The following TMPRSS15 variants were observed in gnomAD, a reference collection of about 807,000 sequenced individuals.
TMPRSS15 encodes the protein enteropeptidase.
TMPRSS15 carries 128 observed loss-of-function variants against 125.3 expected under a neutral mutation model. The ratio of observed to expected loss-of-function variants is 1.02; its 90% CI spans 0.89 to 1.18. The LOEUF is 1.18. Among genes scored for constraint, TMPRSS15 ranks in the 50% most tolerant of loss-of-function variants. TMPRSS15 has a pLI of 0.00. For missense variants in TMPRSS15, 1,283 were observed against 1,212.7 expected (o/e 1.06, Z -0.86); for synonymous variants, 446 against 423.2 (o/e 1.05, Z -0.66).
At chr21:18,443,661 C>T (rs2076248101) in intron 1 of TMPRSS15, among the ~76,000 whole-genome samples, 1 of 152,236 alleles carries the variant, frequency 6.6e-6, no homozygotes, top group South Asian at 2.1e-4. Flanking sequence ...ATTGCTCCAC[C>T]TCACCTTGCT....
At chr21:18,311,967 A>G (rs2075105272) in intron 18 of TMPRSS15, among the ~76,000 whole-genome samples, 1 of 152,160 alleles carries the variant, frequency 6.6e-6, no homozygotes, top group Non-Finnish European at 1.5e-5. Context: ...CTGCTTTTTA[A>G]AGACAAGGAT....
At chr21:18,277,383 T>A (rs1398445373) in intron 23 of TMPRSS15, among the ~76,000 whole-genome samples, 1 of 152,206 alleles carries the variant, frequency 6.6e-6, no homozygotes, top group East Asian at 1.9e-4. Context: ...TTAATTTGTT[T>A]TTGAAGAGCC....
At chr21:18,315,324 C>T in intron 16 of TMPRSS15, 68 bp from the exon 17 acceptor site, 1 of 1,303,240 alleles carries the variant, frequency 7.7e-7, no homozygotes, top group Non-Finnish European at 1.1e-6. Flanking sequence ...GAGTACAAAT[C>T]CCATTTGCTC....
At chr21:18,389,287 T>C (rs559326134) in intron 3 of TMPRSS15, among the ~76,000 whole-genome samples, 1 of 151,578 alleles carries the variant, frequency 6.6e-6, no homozygotes, top group East Asian at 1.9e-4. Context: ...GGGAGGAAGA[T>C]TAAACCTTTT....
intron 1 of TMPRSS15, among the ~76,000 whole-genome samples, chr21:18,439,927 C>A (rs755956898): frequency 5.9e-5 from 9 of 152,196 alleles, no homozygotes; most frequent in Middle Eastern, 3.4e-3. Context: ...TTCAAAGGCA[C>A]AAAATGTTTT....
intron 1 of TMPRSS15, among the ~76,000 whole-genome samples, chr21:18,469,039 C>T (rs1164912487): frequency 1.3e-5 from 2 of 152,086 alleles, no homozygotes; most frequent in Non-Finnish European, 1.5e-5. Context: ...ACATAAATAC[C>T]GGAGGAAAAA....
At position 18,426,754 on chromosome 21, in the gene TMPRSS15, T is replaced by C. The variant is rs148493592; in HGVS notation, c.11-28425A>G. 3.6e-3 allele frequency among the ~76,000 whole-genome samples: 554 copies of C among 152,326 alleles called. 2 individuals carry two copies. The highest frequency in any genetic ancestry group is 0.013 in the African/African-American group (522 of 41,580). On this transcript the variant is annotated intron_variant, in intron 1 of 7. Coordinates refer to the TMPRSS15 transcript ENST00000422787. Reference sequence around the variant, plus strand: ...TTTATTTCAAAATTATGCATTTTCATTGATAACATTTGAAAAATAAGAATG... The same window carrying C: ...TTTATTTCAAAATTATGCATTTTCACTGATAACATTTGAAAAATAAGAATG...
At chr21:18,355,341 G>GTGT in intron 8 of TMPRSS15, among the ~76,000 whole-genome samples, 1 of 151,744 alleles carries the variant, frequency 6.6e-6, no homozygotes, top group Non-Finnish European at 1.5e-5. Flanking sequence ...ATTTCATAGT[G>GTGT]TGTTGGATTC....
intron 3 of TMPRSS15, among the ~76,000 whole-genome samples, chr21:18,394,533 G>GTCTC (rs199599399): frequency 2.6e-4 from 39 of 147,290 alleles, no homozygotes; most frequent in African/African-American, 3.7e-4. Context: ...CTCTCTCTCT[G>GTCTC]TCTCTCTCTC....
intron 13 of TMPRSS15, among the ~76,000 whole-genome samples, chr21:18,339,896 T>C (rs888748432): frequency 2.0e-5 from 3 of 152,202 alleles, no homozygotes; most frequent in Non-Finnish European, 4.4e-5. Flanking sequence ...CGCTTCCAAT[T>C]TGACTTAAGA....
Position 18,326,425 on chromosome 21 carries a change from C to T in TMPRSS15, c.1921+7G>A, listed in dbSNP as rs779176480. On this transcript the variant is annotated splice_region_variant and intron_variant, in intron 16 of 24. Coordinates refer to ENST00000284885, the MANE Select transcript of TMPRSS15 (RefSeq NM_002772.3). ...TATGATGCAATGTGTGATTTATGGG[C>T]TCCTACCTGGAATCCCCAAGTGATA... 1.2e-6 allele frequency: 2 copies of T among 1,614,086 alleles called. No individual in the cohort carries two copies. Among genetic ancestry groups the T allele is most frequent in the Non-Finnish European group, 8.5e-7 (1 of 1,179,970 alleles).
intron 1 of TMPRSS15, among the ~76,000 whole-genome samples, chr21:18,421,397 A>G (rs1183712804): frequency 6.6e-6 from 1 of 152,214 alleles, no homozygotes; most frequent in Non-Finnish European, 1.5e-5. Context: ...GATAGTTTTT[A>G]CTTAATTTTC....
intron 3 of TMPRSS15, among the ~76,000 whole-genome samples, chr21:18,391,989 G>A (rs1482898466): frequency 6.6e-6 from 1 of 152,206 alleles, no homozygotes. Flanking sequence ...CATGGCTGGA[G>A]CTGGAGTGGC....
chr21:18,414,609 T>C (rs544254842), intron 1 of TMPRSS15, among the ~76,000 whole-genome samples: 29 of 152,306 alleles, frequency 1.9e-4, no homozygotes, highest in Middle Eastern at 6.8e-3. Context: ...ATGAATTATT[T>C]TTTCCTGTGT....
chr21:18,350,597 T>G (rs2147001891), intron 10 of TMPRSS15, among the ~76,000 whole-genome samples: 1 of 152,200 alleles, frequency 6.6e-6, no homozygotes, highest in Middle Eastern at 3.4e-3. Flanking sequence ...TCCTTACAGT[T>G]TTGATTCAAA....
Position 18,330,839 on chromosome 21 carries a change from G to A in TMPRSS15, c.1654+1245C>T, listed in dbSNP as rs189217672. 1.4e-3 allele frequency among the ~76,000 whole-genome samples: 210 copies of A among 152,142 alleles called. 1 individual carries two copies. The highest frequency in any genetic ancestry group is 2.5e-3 in the East Asian group (13 of 5,166). ...TGTAATCCCAGCACTTTGGGAGGCC[G>A]AGAAGGGCAGATCATGAAGTCAGCA... On this transcript the variant is annotated intron_variant, in intron 14 of 24. Transcript: ENST00000284885.
intron 10 of TMPRSS15, among the ~76,000 whole-genome samples, chr21:18,350,398 A>T (rs1398070137): frequency 1.3e-5 from 2 of 152,138 alleles, no homozygotes; most frequent in African/African-American, 2.4e-5. Context: ...GTTAAAAACT[A>T]TATTCAGAAT....
chr21:18,446,113 T>A (rs568861634), intron 1 of TMPRSS15, among the ~76,000 whole-genome samples: 2 of 152,098 alleles, frequency 1.3e-5, no homozygotes, highest in Non-Finnish European at 2.9e-5. Context: ...AATAAAGTTG[T>A]AGAATACAAA....
At chr21:18,387,757 C>T (rs1282258176) in intron 3 of TMPRSS15, among the ~76,000 whole-genome samples, 1 of 151,776 alleles carries the variant, frequency 6.6e-6, no homozygotes, top group Admixed American at 6.6e-5. Flanking sequence ...TATTGGAGTG[C>T]TAGAATTTGA....
Sources: allele counts gnomAD v4.1 joint callset (sites outside exome capture counted in the v4.1 genomes callset), GRCh38; gene constraint gnomAD v4.1.1; transcripts MANE v1.5; gene names NCBI Gene and HGNC (gene_info 2026-07-23, HGNC 2026-07-21).